The following RNASET2 variants were observed in gnomAD, a reference collection of about 807,000 sequenced individuals.
RNASET2 encodes ribonuclease 6.
A neutral mutation model predicts 33.9 loss-of-function variants in RNASET2; 28 were observed. That is an observed-to-expected ratio of 0.83 (90% confidence interval 0.61 to 1.13). The LOEUF (loss-of-function observed/expected upper bound fraction) is 1.13, where lower values mean the gene tolerates loss of function less well. Ranked by LOEUF, RNASET2 falls within the 50% of genes most tolerant of loss-of-function variation. RNASET2 has a pLI of 0.00. For missense variants in RNASET2, 330 were observed against 319.9 expected, an observed-to-expected ratio of 1.03 and a Z score of -0.24; for synonymous variants, 123 against 121.0, an observed-to-expected ratio of 1.02 and a Z score of -0.11.
At chr6:166,929,941 T>A (rs1778380364) in intron 8 of RNASET2, 150 bp from the exon 9 acceptor site, 5 of 764,252 alleles carry the variant, frequency 6.5e-6, no homozygotes, top group South Asian at 6.2e-5. Context: ...ACCCCTTCAT[T>A]GAGCAGAAGG....
chr6:166,934,622 TTGAGA>T, intron 6 of RNASET2: 1 of 200,592 alleles, frequency 5.0e-6, no homozygotes, highest in Middle Eastern at 2.1e-3. Context: ...CTTTTCTATG[TTGAGA>T]TATGTTTAGA....
At chr6:166,951,699 G>C (rs928031852) in intron 2 of RNASET2, among the ~76,000 whole-genome samples, 2 of 152,250 alleles carry the variant, frequency 1.3e-5, no homozygotes, top group Non-Finnish European at 2.9e-5. Context: ...TTGGAATAAA[G>C]AGCAATGCTA....
chr6:166,949,727 T>TGG (rs1778937734), intron 2 of RNASET2, among the ~76,000 whole-genome samples: 1 of 152,172 alleles, frequency 6.6e-6, no homozygotes, highest in African/African-American at 2.4e-5. Flanking sequence ...AGCCAGAAGC[T>TGG]GGGCTCCTTT....
chr6:166,955,221 GCGCACACACGCACGCACGCA>G (rs1779089779), intron 1 of RNASET2, among the ~76,000 whole-genome samples: 3 of 94,014 alleles, frequency 3.2e-5, no homozygotes, highest in Middle Eastern at 5.6e-3. Context: ...ACGCACACAC[GCGCACACACGCACGCACGCA>G]CACACACGCA....
Position 166,929,345 on chromosome 6 carries a change from G to GA in RNASET2, c.*242dup, listed in dbSNP as rs58694992. Among the ~76,000 whole-genome samples the GA allele has an allele frequency of 0.24, 35,547 of 146,088 alleles. 5,669 individuals are homozygous for GA. Among genetic ancestry groups the GA allele is most frequent in the African/African-American group, 0.46 (18,751 of 40,358 alleles). On this transcript the variant is annotated 3_prime_UTR_variant, in exon 9 of 9. Coordinates refer to ENST00000508775, the MANE Select transcript of RNASET2 (RefSeq NM_003730.6). Reference sequence around the variant, plus strand: ...CCAGGGCACTGAAGAGTTTAATAGAGAAAAAAAAAAACAATCTGTGAGCTT... The same window carrying GA: ...CCAGGGCACTGAAGAGTTTAATAGAGAAAAAAAAAAAACAATCTGTGAGCTT...
At chr6:166,938,168 T>C (rs538974458) in intron 6 of RNASET2, among the ~76,000 whole-genome samples, 21 of 152,328 alleles carry the variant, frequency 1.4e-4, no homozygotes, top group Non-Finnish European at 2.5e-4. Context: ...CAATTGCCTG[T>C]CATGTTTTTC....
chr6:166,943,634 C>G (rs916231396), intron 4 of RNASET2: 5 of 383,206 alleles, frequency 1.3e-5, no homozygotes, highest in African/African-American at 1.1e-4. Flanking sequence ...CTGCATTTGT[C>G]CAAAGCCGCA....
chr6:166,955,197 GCACGCACACACGCACGCACACA>G (rs1274475976), intron 1 of RNASET2, among the ~76,000 whole-genome samples: 1 of 119,074 alleles, frequency 8.4e-6, no homozygotes, highest in Non-Finnish European at 1.7e-5. Context: ...ACGCACACAC[GCACGCACACACGCACGCACACA>G]CGCGCACACA....
At chr6:166,943,725 A>C in intron 4 of RNASET2, 1 of 469,544 alleles carries the variant, frequency 2.1e-6, no homozygotes, top group Non-Finnish European at 4.4e-6. Context: ...AATTGTAACA[A>C]ATGTAACACA....
intron 8 of RNASET2, among the ~76,000 whole-genome samples, 159 bp downstream of exon 8, chr6:166,930,883 TAC>T (rs1217570063): frequency 1.3e-5 from 2 of 148,700 alleles, no homozygotes; most frequent in South Asian, 2.1e-4. Context: ...CACATGCATG[TAC>T]ACACACACAT....
chr6:166,936,311 T>C (rs1029097478), intron 6 of RNASET2, among the ~76,000 whole-genome samples: 1 of 151,786 alleles, frequency 6.6e-6, no homozygotes, highest in Non-Finnish European at 1.5e-5. Context: ...CTCTGCTGAA[T>C]CCCCACAGGA....
In RNASET2 at chr6:166,933,827, T is replaced by A; in HGVS notation, c.492+264A>T. 1.9e-6 allele frequency: 1 copy of A among 540,374 alleles called. No homozygotes were observed. 33.5% of individuals were successfully genotyped at this position (540,374 alleles called of 1,614,324 possible). A position where few individuals can be genotyped will look rare whatever the true frequency, so the allele number is the denominator to read the frequency against. ...TCTTGAAACTGCAGATTCCACCTGC[T>A]CTGCCGGACCCTGGAGCACACACTT... On this transcript the variant is annotated intron_variant, in intron 7 of 8. Transcript: ENST00000508775. The surrounding 1 kb of genome is among the most constrained non-coding windows in gnomAD (Gnocchi z 4.1).
intron 7 of RNASET2, chr6:166,932,253 C>G (rs535153471): frequency 6.6e-6 from 1 of 152,568 alleles, no homozygotes; most frequent in Non-Finnish European, 1.5e-5. Flanking sequence ...GTGACCTACT[C>G]GGAGGGTCTC....
At chr6:166,955,227 A>ACG (rs1554269985) in intron 1 of RNASET2, among the ~76,000 whole-genome samples, 1 of 58,510 alleles carries the variant, frequency 1.7e-5, no homozygotes, top group African/African-American at 9.8e-5. Flanking sequence ...ACACGCGCAC[A>ACG]CACGCACGCA....
rs1184118995 is a variant in RNASET2, at chr6:166,934,152, A to T, written c.447-16T>A. On this transcript the variant is annotated splice_polypyrimidine_tract_variant and intron_variant, in intron 6 of 8. Transcript: ENST00000508775. ...TAGAAGCACACTAAAATTTAAATTT[A>T]AAAAAGTTAGCTGTATAATGAAGGT... 7 of 1,544,040 alleles carry T rather than the reference A, an allele frequency of 4.5e-6. No homozygotes were observed. Among genetic ancestry groups the T allele is most frequent in the South Asian group, 4.5e-5 (4 of 89,688 alleles).
intron 1 of RNASET2, among the ~76,000 whole-genome samples, chr6:166,955,205 ACACGCACGCACACACGCGCACACACG>A (rs1562506473): frequency 8.1e-5 from 9 of 111,134 alleles, no homozygotes; most frequent in Non-Finnish European, 1.4e-4. Flanking sequence ...ACGCACGCAC[ACACGCACGCACACACGCGCACACACG>A]CACGCACGCA....
At chr6:166,937,602 AGGTCTGTG>A (rs1778599368) in intron 6 of RNASET2, among the ~76,000 whole-genome samples, 1 of 152,264 alleles carries the variant, frequency 6.6e-6, no homozygotes, top group South Asian at 2.1e-4. Context: ...CAAAGTGTAT[AGGTCTGTG>A]TACGTTTCTT....
chr6:166,929,814 G>A lies in RNASET2; in HGVS notation c.568-23C>T, dbSNP rs777403068. ...ATCCTAAAAGTAAACAATGAAAGAC[G>A]CTTTAGAATTCAGATCTTGGATTAT... On this transcript the variant is annotated intron_variant, in intron 8 of 8. Coordinates refer to ENST00000508775, the MANE Select transcript of RNASET2 (RefSeq NM_003730.6). 17 of 1,594,300 alleles carry A rather than the reference G, an allele frequency of 1.1e-5. No individual in the cohort carries two copies. The South Asian group carries it at 1.3e-4, about 12-fold the overall frequency.
At chr6:166,956,021 G>A (rs1012347073) in intron 1 of RNASET2, 76 bp downstream of exon 1, 30 of 1,407,894 alleles carry the variant, frequency 2.1e-5, no homozygotes, top group East Asian at 1.5e-4. Context: ...GACCCCGAGA[G>A]CTGCAGCCTT....
Sources: allele counts gnomAD v4.1 joint callset (sites outside exome capture counted in the v4.1 genomes callset), GRCh38; gene constraint gnomAD v4.1.1; non-coding constraint Gnocchi (gnomAD v3.1); transcripts MANE v1.5; gene names NCBI Gene and HGNC (gene_info 2026-07-23, HGNC 2026-07-21).